Variants in ZDHHC13 observed in about 807,000 individuals in gnomAD.
ZDHHC13 encodes the protein zDHHC palmitoyltransferase 13.
Under a neutral mutation model 86.0 loss-of-function variants are expected in ZDHHC13, and 85 were observed. The observed-to-expected ratio is 0.99, with a 90% CI of 0.83 to 1.18. ZDHHC13 has a LOEUF of 1.18. Ranked by LOEUF, ZDHHC13 falls within the 50% of genes most tolerant of loss-of-function variation. The pLI is 0.00. For missense variants in ZDHHC13, 711 were observed against 730.2 expected (o/e 0.97, Z 0.30); for synonymous variants, 263 against 246.4 (o/e 1.07, Z -0.63).
chr11:19,141,291 C>G (rs1048991491), intron 1 of ZDHHC13, among the ~76,000 whole-genome samples: 1 of 152,018 alleles, frequency 6.6e-6, no homozygotes, highest in Non-Finnish European at 1.5e-5. Flanking sequence ...ACTGTAGAGT[C>G]TTTTTAAAAT....
intron 1 of ZDHHC13, among the ~76,000 whole-genome samples, chr11:19,131,246 C>G (rs1028596911): frequency 6.6e-6 from 1 of 152,160 alleles, no homozygotes; most frequent in Non-Finnish European, 1.5e-5. Context: ...TCTCGAACTC[C>G]TGTCCTCGTG....
intron 7 of ZDHHC13, 44 bp from the exon 8 acceptor site, chr11:19,152,515 A>G: frequency 1.3e-6 from 2 of 1,520,994 alleles, no homozygotes; most frequent in South Asian, 1.3e-5. Flanking sequence ...CACTCATAAT[A>G]TATTAAAAAT....
chr11:19,134,807 G>A (rs1441875550), intron 1 of ZDHHC13, among the ~76,000 whole-genome samples: 1 of 152,080 alleles, frequency 6.6e-6, no homozygotes, highest in Non-Finnish European at 1.5e-5. Context: ...GTATACCTAT[G>A]TAACAAACCT....
intron 1 of ZDHHC13, among the ~76,000 whole-genome samples, chr11:19,129,186 A>G (rs1848938351): frequency 6.6e-6 from 1 of 152,192 alleles, no homozygotes; most frequent in Non-Finnish European, 1.5e-5. Context: ...TATGCATATG[A>G]TCATGTTTTT....
chr11:19,154,139 G>A (rs2133435448), intron 8 of ZDHHC13, among the ~76,000 whole-genome samples: 1 of 152,234 alleles, frequency 6.6e-6, no homozygotes. Flanking sequence ...AATTCACTTA[G>A]TATATTTATT....
At chr11:19,119,352 G>A (rs145759562) in intron 1 of ZDHHC13, among the ~76,000 whole-genome samples, 2,272 of 152,158 alleles carry the variant, frequency 0.015, 68 homozygotes, top group African/African-American at 0.052. Flanking sequence ...TGATCCGCCC[G>A]CCTCGGCCTC....
intron 2 of ZDHHC13, among the ~76,000 whole-genome samples, chr11:19,144,432 A>AGT (rs142248923): frequency 0.18 from 25,536 of 143,006 alleles, 2,221 homozygotes; most frequent in African/African-American, 0.21. Flanking sequence ...AGAGCTATGG[A>AGT]GTGTGTGTGT....
intron 5 of ZDHHC13, 73 bp from the exon 6 acceptor site, chr11:19,150,654 A>T: frequency 2.3e-6 from 3 of 1,278,226 alleles, no homozygotes; most frequent in Non-Finnish European, 3.4e-6. Flanking sequence ...TATTAAAGAG[A>T]TATTTCTATT....
Position 19,128,213 on chromosome 11 carries a change from G to A in ZDHHC13, c.27+10937G>A, listed in dbSNP as rs151020686. ...TAGGTGTTTTATTCTTTTTGTGGCA[G>A]TTGTGAATGGGGTTGCCTTCCTGAT... On this transcript the variant is annotated intron_variant, in intron 1 of 16. Coordinates refer to ENST00000446113, the MANE Select transcript of ZDHHC13 (RefSeq NM_019028.3). 5.8e-3 allele frequency among the ~76,000 whole-genome samples: 883 copies of A among 152,174 alleles called. 27 individuals are homozygous for A. In the East Asian group the frequency reaches 0.086, roughly 15 times the overall value.
chr11:19,147,778 C>A (rs187980052), intron 4 of ZDHHC13, 105 bp downstream of exon 4: 3 of 766,112 alleles, frequency 3.9e-6, no homozygotes, highest in East Asian at 6.3e-5. Context: ...TTCTTCCCCC[C>A]CCCCCTTTAT....
At chr11:19,148,223 T>TA (rs1328704359) in intron 4 of ZDHHC13, among the ~76,000 whole-genome samples, 2 of 152,060 alleles carry the variant, frequency 1.3e-5, no homozygotes, top group Non-Finnish European at 2.9e-5. Flanking sequence ...CTTGAATACT[T>TA]ATCAGTTTCT....
At chr11:19,133,848 A>G (rs1297807757) in intron 1 of ZDHHC13, among the ~76,000 whole-genome samples, 2 of 149,330 alleles carry the variant, frequency 1.3e-5, no homozygotes, top group African/African-American at 2.5e-5. Flanking sequence ...GCTCAGTTCT[A>G]TATCTTGACT....
intron 6 of ZDHHC13, 49 bp downstream of exon 6, chr11:19,150,840 C>T: frequency 6.5e-7 from 1 of 1,534,116 alleles, no homozygotes; most frequent in Non-Finnish European, 9.0e-7. Context: ...CCAACTATTT[C>T]TTTTCTGTGT....
intron 14 of ZDHHC13, chr11:19,170,057 G>T: frequency 9.4e-7 from 1 of 1,060,564 alleles, no homozygotes; most frequent in Non-Finnish European, 1.1e-6. Flanking sequence ...TAGACCCATA[G>T]TTGCTATAAA....
intron 1 of ZDHHC13, among the ~76,000 whole-genome samples, chr11:19,122,411 A>G (rs2086753506): frequency 6.6e-6 from 1 of 151,426 alleles, no homozygotes; most frequent in African/African-American, 2.4e-5. Flanking sequence ...GCTTGTGCTT[A>G]TTATTATTAT....
Position 19,150,784 on chromosome 11 carries a change from G to A in ZDHHC13, c.577G>A (p.Val193Ile). ...ACCTCTCATGTTATCAGCTCACAAAGTAATTGGGTGAGTTTAATTTAGTCC... is the reference window on the plus strand; with the variant it reads ...ACCTCTCATGTTATCAGCTCACAAAATAATTGGGTGAGTTTAATTTAGTCC... ...QTPLMLSAHK[V>I]IGPEPTGFLL... is the part of the protein sequence containing the mutation. Residue 193 changes from valine to isoleucine, a missense_variant, in exon 6 of 17, where the codon GTA becomes ATA. Coordinates refer to ENST00000446113, the MANE Select transcript of ZDHHC13 (RefSeq NM_019028.3). 1.2e-6 allele frequency: 2 copies of A among 1,609,530 alleles called. No individual in the cohort carries two copies. Among genetic ancestry groups the A allele is most frequent in the Non-Finnish European group, 1.7e-6 (2 of 1,176,736 alleles).
chr11:19,144,746 T>C (rs936870504), intron 2 of ZDHHC13, among the ~76,000 whole-genome samples: 13 of 152,288 alleles, frequency 8.5e-5, no homozygotes, highest in African/African-American at 2.6e-4. Context: ...TGCGGGCTTA[T>C]TGGAACTTTC....
chr11:19,128,176 T>C (rs1275062351), intron 1 of ZDHHC13, among the ~76,000 whole-genome samples: 1 of 152,160 alleles, frequency 6.6e-6, no homozygotes, highest in Admixed American at 6.5e-5. Flanking sequence ...CCTCCCTGAT[T>C]AGCTGTATTC....
chr11:19,168,749 G>GTA, intron 14 of ZDHHC13: 1 of 961,418 alleles, frequency 1.0e-6, no homozygotes, highest in Non-Finnish European at 1.2e-6. Flanking sequence ...CTAGAGCCCT[G>GTA]CTCTATACTC....
Sources: allele counts gnomAD v4.1 joint callset (sites outside exome capture counted in the v4.1 genomes callset), GRCh38; gene constraint gnomAD v4.1.1; transcripts MANE v1.5; gene names NCBI Gene and HGNC (gene_info 2026-07-23, HGNC 2026-07-21).